Variants in ENTREP3 observed in about 807,000 individuals in gnomAD.
The protein encoded by ENTREP3 is protein ENTREP3.
the ENTREP3 span, chr1:155,252,690 G>GTGTATATA: frequency 3.9e-3 from 128 of 32,858 alleles, 2 homozygotes; most frequent in Non-Finnish European, 4.8e-3. Flanking sequence ...AATTTTGTGT[G>GTGTATATA]TATATATATA....
At chr1:155,249,885 C>CAAAA in the ENTREP3 span, among the ~76,000 whole-genome samples, 1 of 31,126 alleles carries the variant, frequency 3.2e-5, no homozygotes. Flanking sequence ...GACACCGTCT[C>CAAAA]AAAAAAAAAA....
the ENTREP3 span, chr1:155,250,993 A>C: frequency 1.5e-6 from 2 of 1,324,232 alleles, no homozygotes; most frequent in South Asian, 2.7e-5. The surrounding 1 kb of genome is among the most constrained non-coding windows in gnomAD (Gnocchi z 5.4). Flanking sequence ...CTATGTCCCC[A>C]AACCACCAAC....
At chr1:155,249,311 G>C in the ENTREP3 span, among the ~76,000 whole-genome samples, 1 of 151,600 alleles carries the variant, frequency 6.6e-6, no homozygotes, top group Non-Finnish European at 1.5e-5. Flanking sequence ...GGCTGGTCTC[G>C]AACTCCCGAC....
the ENTREP3 span, chr1:155,254,488 G>C: frequency 6.2e-7 from 1 of 1,613,182 alleles, no homozygotes; most frequent in Non-Finnish European, 8.5e-7. The surrounding 1 kb of genome is among the most constrained non-coding windows in gnomAD (Gnocchi z 4.4). Context: ...GCTCAGCCTG[G>C]CAGGGGAGGC....
At chr1:155,252,713 TATA>T in the ENTREP3 span, 2 of 58,832 alleles carry the variant, frequency 3.4e-5, no homozygotes, top group African/African-American at 8.8e-5. Context: ...TATATATATA[TATA>T]TATATATTTT....
chr1:155,248,144 C>T, the ENTREP3 span: 1 of 1,613,984 alleles, frequency 6.2e-7, no homozygotes, highest in African/African-American at 1.3e-5. Context: ...TGGCCAGCTG[C>T]CCTTTAGGTC....
the ENTREP3 span, chr1:155,253,315 G>C: frequency 3.5e-6 from 1 of 284,172 alleles, no homozygotes; most frequent in East Asian, 7.3e-5. Context: ...AAAGTGCTGG[G>C]ATTACAGGAA....
the ENTREP3 span, chr1:155,251,048 T>C: frequency 1.3e-6 from 2 of 1,544,866 alleles, no homozygotes; most frequent in Non-Finnish European, 1.8e-6. Context: ...ACCCCAGCTA[T>C]CCCTGGCAGC....
the ENTREP3 span, chr1:155,251,557 G>A: frequency 6.2e-7 from 1 of 1,614,082 alleles, no homozygotes; most frequent in Non-Finnish European, 8.5e-7. Flanking sequence ...GCAATCGGTA[G>A]GGTACAAGGG....
the ENTREP3 span, among the ~76,000 whole-genome samples, chr1:155,249,955 G>A: frequency 6.6e-6 from 1 of 151,772 alleles, no homozygotes. Flanking sequence ...CTACTCGGCA[G>A]GCTGAAGCAG....
the ENTREP3 span, chr1:155,251,917 G>C: frequency 2.1e-6 from 3 of 1,423,624 alleles, no homozygotes; most frequent in Non-Finnish European, 2.8e-6. Context: ...TGCTGGGGAA[G>C]CGAGCAGGTC....
the ENTREP3 span, chr1:155,254,429 C>A: frequency 6.2e-7 from 1 of 1,614,104 alleles, no homozygotes; most frequent in African/African-American, 1.3e-5. This position sits in a 1 kb window ranked among gnomAD's most constrained non-coding sequence, Gnocchi z 4.4. Flanking sequence ...TTCCAGGACA[C>A]AATGCCAACC....
chr1:155,253,961 C>G, the ENTREP3 span: 1 of 1,612,766 alleles, frequency 6.2e-7, no homozygotes, highest in African/African-American at 1.3e-5. Context: ...AGGGACAGCA[C>G]ACACAGACCT....
the ENTREP3 span, chr1:155,251,007 G>A: frequency 1.3e-5 from 18 of 1,369,182 alleles, no homozygotes; most frequent in South Asian, 1.2e-4. Context: ...CACCAACTCC[G>A]CCTTGTTTTC....
the ENTREP3 span, chr1:155,250,828 G>A: frequency 4.4e-6 from 7 of 1,591,636 alleles, no homozygotes; most frequent in Admixed American, 1.2e-4. This position sits in a 1 kb window ranked among gnomAD's most constrained non-coding sequence, Gnocchi z 5.4. Flanking sequence ...GACACTGTGG[G>A]CGGCAGGGGG....
chr1:155,252,210 CTTT>C, the ENTREP3 span: 4 of 266,318 alleles, frequency 1.5e-5, no homozygotes, highest in East Asian at 7.5e-5. Context: ...CTAGGACCTT[CTTT>C]TTTTTTTTGA....
the ENTREP3 span, chr1:155,251,477 G>C: frequency 6.4e-7 from 1 of 1,570,826 alleles, no homozygotes; most frequent in African/African-American, 1.4e-5. Context: ...TCCCCAGCCC[G>C]CCCCAAGCCG....
chr1:155,248,852 T>A, the ENTREP3 span, among the ~76,000 whole-genome samples: 1 of 151,248 alleles, frequency 6.6e-6, no homozygotes, highest in Non-Finnish European at 1.5e-5. Context: ...GTAGCTGGGA[T>A]TACAGGCGTC....
the ENTREP3 span, chr1:155,254,165 G>C: frequency 1.9e-6 from 3 of 1,614,042 alleles, no homozygotes; most frequent in Non-Finnish European, 2.5e-6. The surrounding 1 kb of genome is among the most constrained non-coding windows in gnomAD (Gnocchi z 4.4). Context: ...GCATGACACA[G>C]AGCACCGAAA....
Sources: gnomAD v4.1 joint callset for allele counts (sites outside exome capture counted in the v4.1 genomes callset) on GRCh38, gnomAD v4.1.1 for gene constraint, Gnocchi (gnomAD v3.1) non-coding constraint, MANE v1.5 for transcripts, NCBI Gene and HGNC (gene_info 2026-07-23, HGNC 2026-07-21) for gene names.